MBD5: variants seen among roughly 807,000 people sequenced by gnomAD.
MBD5 encodes the protein methyl-CpG binding domain protein 5.
Under a neutral mutation model 117.3 loss-of-function variants are expected in MBD5, and 13 were observed. That is an observed-to-expected ratio of 0.11 (90% confidence interval 0.07 to 0.18). The LOEUF (loss-of-function observed/expected upper bound fraction) is 0.18, where lower values mean the gene tolerates loss of function less well. Among genes scored for constraint, MBD5 ranks in the 10% least tolerant of loss-of-function variants. MBD5 has a pLI of 1.00. For missense variants in MBD5, 1,879 were observed against 2,093.8 expected (o/e 0.90, Z 2.00); for synonymous variants, 727 against 766.4 (o/e 0.95, Z 0.85).
At chr2:148,320,919 T>C (rs887876559) in intron 3 of MBD5, among the ~76,000 whole-genome samples, 3 of 152,224 alleles carry the variant, frequency 2.0e-5, no homozygotes, top group African/African-American at 7.2e-5. Context: ...TATTGGTTTA[T>C]CAATTTTGTT....
Position 148,187,181 on chromosome 2 carries a change from T to G in MBD5, c.-831+8388T>G, listed in dbSNP as rs145360774. On this transcript the variant is annotated intron_variant, in intron 2 of 13. Coordinates refer to ENST00000642680, the MANE Select transcript of MBD5 (RefSeq NM_001378120.1). Reference sequence around the variant, plus strand: ...GGCTGTAGTGTGCTATGATCACATGTGTGGATAGCCACTGCATTCCAGCCT... The same window carrying G: ...GGCTGTAGTGTGCTATGATCACATGGGTGGATAGCCACTGCATTCCAGCCT... Among the ~76,000 whole-genome samples, 98 of 152,308 alleles carry G rather than the reference T, an allele frequency of 6.4e-4. No individual in the cohort carries two copies. In the East Asian group the frequency reaches 0.017, roughly 26 times the overall value.
chr2:148,463,964 G>A (rs776322509), intron 7 of MBD5, 45 bp downstream of exon 7: 27 of 1,586,192 alleles, frequency 1.7e-5, no homozygotes, highest in Non-Finnish European at 8.6e-7. Flanking sequence ...TCTCCCTAGA[G>A]AAGGAGTTGC....
At position 148,309,994 on chromosome 2, in the gene MBD5, C is replaced by T. The variant is rs57402755; in HGVS notation, c.-679-32220C>T. On this transcript the variant is annotated intron_variant, in intron 3 of 13. Transcript: ENST00000642680. ...CCAGCCTTGCATCCCAGGGATAAAG[C>T]CAACTTGATCATGGTGGATAAGCTC... 8.1e-3 allele frequency among the ~76,000 whole-genome samples: 1,231 copies of T among 152,256 alleles called. 17 individuals carry two copies. Among genetic ancestry groups the T allele is most frequent in the African/African-American group, 0.028 (1,162 of 41,550 alleles).
intron 3 of MBD5, among the ~76,000 whole-genome samples, chr2:148,243,406 G>T (rs560480197): frequency 4.6e-5 from 7 of 152,060 alleles, no homozygotes; most frequent in South Asian, 2.1e-4. Context: ...GTAGGGAAAA[G>T]CTGTATTATT....
chr2:148,120,114 G>A (rs60605559), intron 1 of MBD5, among the ~76,000 whole-genome samples: 3,992 of 152,098 alleles, frequency 0.026, 103 homozygotes, highest in African/African-American at 0.068. Context: ...GAGTTTTGCC[G>A]TATTGCTCAG....
At position 148,489,704 on chromosome 2, in the gene MBD5, G is replaced by A. The variant is rs914922916; in HGVS notation, c.4072G>A (p.Ala1358Thr). 1.9e-6 allele frequency: 3 copies of A among 1,614,176 alleles called. No homozygotes were observed. Among genetic ancestry groups the A allele is most frequent in the Non-Finnish European group, 1.7e-6 (2 of 1,180,020 alleles). The change falls in exon 11 of 14, where the codon GCC becomes ACC. Residue 1358 changes from alanine (A) to threonine (T), a missense_variant. By Grantham distance (58) the Ala-to-Thr change is moderately conservative. Around this residue, in one of 4 missense-constraint regions of MBD5, gnomAD observed 1,666 missense variants for 1,792.2 expected, o/e 0.93. Transcript: ENST00000642680. The part of the protein sequence containing the change: ...SPIPALSAMS[A>T]FTASIGDPLN... The stretch of plus-strand genomic sequence containing the variant: ...CATTCCAGCTCTGAGTGCCATGAGT[G>A]CCTTCACTGCCTCAATTGGTGACCC...
intron 7 of MBD5, 137 bp downstream of exon 7, chr2:148,464,056 T>C: frequency 1.1e-6 from 1 of 911,396 alleles, no homozygotes; most frequent in Non-Finnish European, 1.6e-6. Context: ...GTCCTGTAAT[T>C]TTATTACAAA....
chr2:148,306,538 G>A (rs1013457612), intron 3 of MBD5, among the ~76,000 whole-genome samples: 2 of 151,866 alleles, frequency 1.3e-5, no homozygotes, highest in Non-Finnish European at 2.9e-5. Context: ...GATTAGGCAG[G>A]GAGAAAAAAA....
intron 3 of MBD5, among the ~76,000 whole-genome samples, chr2:148,267,878 C>T (rs1453247847): frequency 6.6e-6 from 1 of 151,510 alleles, no homozygotes; most frequent in Non-Finnish European, 1.5e-5. Flanking sequence ...TTATTTATTC[C>T]AGGTCTATAT....
At chr2:148,457,579 T>A (rs951964706) in intron 4 of MBD5, among the ~76,000 whole-genome samples, 3 of 152,024 alleles carry the variant, frequency 2.0e-5, no homozygotes, top group African/African-American at 7.2e-5. Flanking sequence ...CATAACTGAA[T>A]AAGGGAATTA....
Position 148,513,047 on chromosome 2 carries a change from G to A in MBD5, c.*106G>A. On this transcript the variant is annotated 3_prime_UTR_variant, in exon 14 of 14. Transcript: ENST00000642680. ...CAGTTATATCAATATTTAGACTATG[G>A]CAGATAGCTACCACCACCACAGGGT... 3 of 1,139,938 alleles carry A rather than the reference G, an allele frequency of 2.6e-6. No homozygotes were observed. The South Asian group carries it at 3.8e-5, about 14-fold the overall frequency. The allele number at this position is 1,139,938 out of a possible 1,614,324, so 70.6% of individuals were successfully genotyped here. A position where few individuals can be genotyped will look rare whatever the true frequency, so the allele number is the denominator to read the frequency against.
intron 4 of MBD5, among the ~76,000 whole-genome samples, chr2:148,350,538 A>C (rs943304600): frequency 6.6e-6 from 1 of 152,030 alleles, no homozygotes. Context: ...CAGTTTTTAT[A>C]AGCCAGCTTT....
chr2:148,462,720 A>AT, intron 6 of MBD5, 36 bp downstream of exon 6: 2 of 1,317,236 alleles, frequency 1.5e-6, no homozygotes, highest in Non-Finnish European at 1.1e-6. Flanking sequence ...GCAGTGTTTT[A>AT]TTTTTTAGGT....
intron 3 of MBD5, among the ~76,000 whole-genome samples, chr2:148,292,210 C>T (rs1701515918): frequency 6.6e-6 from 1 of 152,114 alleles, no homozygotes. Flanking sequence ...CAAAAATGGA[C>T]AAGTGGGATC....
intron 1 of MBD5, among the ~76,000 whole-genome samples, chr2:148,148,711 T>C (rs1362445765): frequency 6.6e-6 from 1 of 152,158 alleles, no homozygotes; most frequent in Non-Finnish European, 1.5e-5. Flanking sequence ...TAAATTCTCT[T>C]GATCCCTTAT....
intron 4 of MBD5, among the ~76,000 whole-genome samples, chr2:148,432,826 C>T (rs1706030895): frequency 6.6e-6 from 1 of 151,952 alleles, no homozygotes; most frequent in African/African-American, 2.4e-5. Context: ...GTTCTTTTTC[C>T]TTAGGAGTGC....
In MBD5 at chr2:148,447,083, CAAAG is replaced by C. The variant is rs560220730; in HGVS notation, c.-556-11107_-556-11104del. Among the ~76,000 whole-genome samples, 130 of 90,662 alleles carry C rather than the reference CAAAG, an allele frequency of 1.4e-3. 1 individual carries two copies. The highest frequency in any genetic ancestry group is 5.1e-3 in the Admixed American group (48 of 9,332). 59.5% of individuals were successfully genotyped at this position (90,662 alleles called of 152,430 possible). A position where few individuals can be genotyped will look rare whatever the true frequency, so the allele number is the denominator to read the frequency against. The stretch of plus-strand genomic sequence containing the variant: ...AAAGAAAGAAAGAAAAAGAAAGAAA[CAAAG>C]AAAGAAAGAAAGGATAGGAAGGAGA... On this transcript the variant is annotated intron_variant, in intron 4 of 13. Coordinates refer to ENST00000642680, the MANE Select transcript of MBD5 (RefSeq NM_001378120.1).
At chr2:148,272,432 T>C (rs911327687) in intron 3 of MBD5, among the ~76,000 whole-genome samples, 1 of 152,212 alleles carries the variant, frequency 6.6e-6, no homozygotes, top group Non-Finnish European at 1.5e-5. Flanking sequence ...CTCTACATCC[T>C]TGTCAATACT....
chr2:148,187,675 C>G (rs1237058994), intron 2 of MBD5, among the ~76,000 whole-genome samples: 3 of 151,522 alleles, frequency 2.0e-5, no homozygotes, highest in Non-Finnish European at 4.4e-5. Flanking sequence ...ACTTATAAAC[C>G]TTAAATTCTA....
Sources: allele counts gnomAD v4.1 joint callset (sites outside exome capture counted in the v4.1 genomes callset), GRCh38; gene constraint gnomAD v4.1.1; regional missense constraint gnomAD v4.1.1; transcripts MANE v1.5; gene names NCBI Gene and HGNC (gene_info 2026-07-23, HGNC 2026-07-21).